BRWD3: variants seen among roughly 807,000 people sequenced by gnomAD.
BRWD3 encodes the protein bromodomain and WD repeat-containing protein 3.
BRWD3 carries 10 observed loss-of-function variants against 149.7 expected under a neutral mutation model. That is an observed-to-expected ratio of 0.07 (90% confidence interval 0.04 to 0.11). The LOEUF is 0.11. Among genes scored for constraint, BRWD3 ranks in the 10% least tolerant of loss-of-function variants. The probability of loss-of-function intolerance (pLI) is 1.00; values close to 1 mark genes in which losing one functional copy is unlikely to be tolerated. For missense variants in BRWD3, 940 were observed against 1,373.2 expected (o/e 0.68, Z 4.99); for synonymous variants, 504 against 456.7 (o/e 1.10, Z -1.32).
chrX:80,745,796 A>T, intron 6 of BRWD3, 67 bp from the exon 7 acceptor site: 1 of 1,007,479 alleles, frequency 9.9e-7, no homozygotes, highest in Non-Finnish European at 1.4e-6. Flanking sequence ...TAAGTCATAA[A>T]TATTAAGATG....
intron 6 of BRWD3, among the ~76,000 whole-genome samples, chrX:80,755,765 T>A (rs911405598): frequency 1.8e-5 from 2 of 111,889 alleles, no homozygotes; most frequent in African/African-American, 6.5e-5. Context: ...CGTATTAAAT[T>A]ATGGAATATT....
At chrX:80,786,089 C>A (rs928575526) in intron 6 of BRWD3, among the ~76,000 whole-genome samples, 3 of 112,011 alleles carry the variant, frequency 2.7e-5, no homozygotes, top group African/African-American at 9.7e-5. Flanking sequence ...AAATTATGCA[C>A]CTATCCAGAG....
chrX:80,698,841 T>C (rs916639021), intron 25 of BRWD3, among the ~76,000 whole-genome samples: 1 of 111,617 alleles, frequency 9.0e-6, no homozygotes, highest in Non-Finnish European at 1.9e-5. Flanking sequence ...TAAAGCTCAC[T>C]TGATAAGCTA....
intron 6 of BRWD3, among the ~76,000 whole-genome samples, chrX:80,760,886 C>G (rs752608842): frequency 9.0e-6 from 1 of 111,586 alleles, no homozygotes; most frequent in Non-Finnish European, 1.9e-5. Context: ...ACTATCCTGA[C>G]TTAAAAGCTT....
At chrX:80,716,032 A>C (rs2073069858) in intron 20 of BRWD3, 125 bp downstream of exon 20, 2 of 492,083 alleles carry the variant, frequency 4.1e-6, no homozygotes, top group African/African-American at 4.7e-5. Context: ...CTCAAAAAGT[A>C]GGTTCCCTAT....
intron 23 of BRWD3, 82 bp downstream of exon 23, chrX:80,704,596 C>A: frequency 3.4e-6 from 3 of 891,423 alleles, no homozygotes; most frequent in South Asian, 2.3e-5. Context: ...AGAGAAAAGT[C>A]AATGTTACAA....
chrX:80,774,020 AAAGTT>A (rs1602420552), intron 6 of BRWD3, among the ~76,000 whole-genome samples: 1 of 111,966 alleles, frequency 8.9e-6, no homozygotes, highest in Admixed American at 9.6e-5. Flanking sequence ...TTACTTCTAG[AAAGTT>A]AAGTAATATT....
intron 27 of BRWD3, among the ~76,000 whole-genome samples, chrX:80,695,139 ACT>A (rs1425548609): frequency 2.7e-5 from 3 of 110,316 alleles, no homozygotes; most frequent in Non-Finnish European, 3.8e-5. Flanking sequence ...TCCACTTCTA[ACT>A]CTCTGTCTCC....
chrX:80,766,996 G>T (rs1441077052), intron 6 of BRWD3, among the ~76,000 whole-genome samples: 1 of 112,576 alleles, frequency 8.9e-6, no homozygotes, highest in Non-Finnish European at 1.9e-5. Context: ...AGCCCACCAA[G>T]CCTTGCTTAC....
chrX:80,758,155 C>T (rs945511805), intron 6 of BRWD3, among the ~76,000 whole-genome samples: 6 of 110,469 alleles, frequency 5.4e-5, no homozygotes, highest in East Asian at 5.7e-4. Context: ...GCCAAGATCG[C>T]GCCATTGCAC....
At chrX:80,789,496 C>T (rs777918801) in intron 6 of BRWD3, among the ~76,000 whole-genome samples, 23 of 111,997 alleles carry the variant, frequency 2.1e-4, no homozygotes, top group Admixed American at 5.6e-4. Context: ...CTGCCTCAGC[C>T]TCCCCAGTAG....
chrX:80,796,133 GT>G lies in BRWD3; in HGVS notation c.181-2362del, dbSNP rs202007432. Among the ~76,000 whole-genome samples the G allele has an allele frequency of 0.013, 1,385 of 102,963 alleles. 24 individuals are homozygous for G. The East Asian group carries it at 0.14, about 11-fold the overall frequency. 89.4% of individuals were successfully genotyped at this position (102,963 alleles called of 115,157 possible). ...AAGTCTAACTATAATCAATGTTTTT[GT>G]TTTTTTTTTTTTTTGAGTCGGAGTC... On this transcript the variant is annotated intron_variant, in intron 4 of 40. Coordinates refer to ENST00000373275, the MANE Select transcript of BRWD3 (RefSeq NM_153252.5).
chrX:80,682,628 T>C lies in BRWD3; in HGVS notation c.4234A>G (p.Ile1412Val), dbSNP rs770450843. ...KAYTSNKKSRIYSMMLRLSAL... is the reference protein window; with the variant it reads ...KAYTSNKKSRVYSMMLRLSAL... The stretch of plus-strand genomic sequence containing the variant: ...GATAATCGCAGCATCATGCTATAGA[T>C]CTGAGAAGGCAGAAATTATATAGTC... The change falls in exon 38 of 41, where the codon ATC (isoleucine) becomes GTC (valine). Residue 1412 changes from isoleucine to valine, a missense_variant and splice_region_variant. Ile to Val is a conservative substitution (Grantham distance 29). Coordinates refer to ENST00000373275, the MANE Select transcript of BRWD3 (RefSeq NM_153252.5). 1.7e-5 allele frequency: 21 copies of C among 1,204,313 alleles called. No individual in the cohort carries two copies. The highest frequency in any genetic ancestry group is 7.0e-5 in the African/African-American group (4 of 57,121).
intron 27 of BRWD3, among the ~76,000 whole-genome samples, 186 bp from the exon 28 acceptor site, chrX:80,693,237 G>A (rs2072635728): frequency 1.8e-5 from 2 of 111,514 alleles, no homozygotes; most frequent in Non-Finnish European, 3.8e-5. Context: ...ATTTCCAAGT[G>A]GTAGAAATCT....
Position 80,676,232 on chromosome X carries a change from G to A in BRWD3, c.*377C>T. On this transcript the variant is annotated 3_prime_UTR_variant, in exon 41 of 41. Coordinates refer to ENST00000373275, the MANE Select transcript of BRWD3 (RefSeq NM_153252.5). ...GGTGCTATACTTCTGTGATACAAAA[G>A]CAAAAGAGGGCTATTCTATTGAGAT... The A allele has an allele frequency of 5.2e-6, 1 of 192,767 alleles. No individual in the cohort carries two copies. Among genetic ancestry groups the A allele is most frequent in the African/African-American group, 2.9e-5 (1 of 34,227 alleles). 15.9% of individuals were successfully genotyped at this position (192,767 alleles called of 1,213,427 possible).
chrX:80,695,288 G>C (rs1410959522), intron 27 of BRWD3, among the ~76,000 whole-genome samples: 1 of 111,804 alleles, frequency 8.9e-6, no homozygotes, highest in African/African-American at 3.2e-5. Flanking sequence ...GTCTCAGGTA[G>C]TATCTTTACA....
intron 6 of BRWD3, among the ~76,000 whole-genome samples, chrX:80,780,876 TTTAAA>T (rs1225364425): frequency 1.8e-5 from 2 of 111,852 alleles, no homozygotes; most frequent in African/African-American, 3.3e-5. Context: ...AGATAAACAG[TTTAAA>T]TTAGACTACT....
chrX:80,746,386 T>C (rs1371600278), intron 6 of BRWD3, among the ~76,000 whole-genome samples: 1 of 110,859 alleles, frequency 9.0e-6, no homozygotes, highest in African/African-American at 3.3e-5. Context: ...TTAAGTCCTA[T>C]CTCATTTTTT....
intron 20 of BRWD3, chrX:80,709,946 AATG>A: frequency 1.1e-6 from 1 of 948,482 alleles, no homozygotes; most frequent in Non-Finnish European, 1.5e-6. Flanking sequence ...CCAGTATGAC[AATG>A]ATATCATTGT....
Sources: allele counts gnomAD v4.1 joint callset (sites outside exome capture counted in the v4.1 genomes callset), GRCh38; gene constraint gnomAD v4.1.1; transcripts MANE v1.5; gene names NCBI Gene and HGNC (gene_info 2026-07-23, HGNC 2026-07-21).